The following LAPTM4B variants were observed in gnomAD, a reference collection of about 807,000 sequenced individuals.
The protein encoded by LAPTM4B is lysosomal protein transmembrane 4 beta.
LAPTM4B carries 26 observed loss-of-function variants against 28.5 expected under a neutral mutation model. The observed-to-expected ratio is 0.91, with a 90% CI of 0.67 to 1.27. The LOEUF is 1.27. LAPTM4B is among the 50% of genes most tolerant of loss of function. The pLI is 0.00. For synonymous variants in LAPTM4B, 109 were observed against 106.4 expected, an observed-to-expected ratio of 1.02 and a Z score of -0.15; for missense variants, 288 against 285.8, an observed-to-expected ratio of 1.01 and a Z score of -0.06.
At chr8:97,776,157 T>C in intron 1 of LAPTM4B, 49 bp downstream of exon 1, 1 of 1,501,910 alleles carries the variant, frequency 6.7e-7, no homozygotes, top group Non-Finnish European at 8.9e-7. Context: ...TCCGCGCCCC[T>C]AGCTGGGCTT....
chr8:97,830,569 C>T (rs1308353585), intron 6 of LAPTM4B, among the ~76,000 whole-genome samples: 2 of 152,114 alleles, frequency 1.3e-5, no homozygotes, highest in Non-Finnish European at 2.9e-5. Flanking sequence ...TGTTCTTTTT[C>T]AGGAATGCGA....
chr8:97,807,212 G>T (rs945559417), intron 2 of LAPTM4B, among the ~76,000 whole-genome samples: 2 of 152,154 alleles, frequency 1.3e-5, no homozygotes, highest in Admixed American at 6.6e-5. Context: ...ATCATTGTGT[G>T]CCTCAATTTC....
Position 97,816,124 on chromosome 8 carries a change from G to A in LAPTM4B, c.352G>A (p.Val118Ile), listed in dbSNP as rs141075645. ...CTTTGACTTTGCCCTGAACATGTTG[G>A]TTGCAATCACTGTGCTTATTTATCC... ...QIFDFALNML[V>I]AITVLIYPNS... The change falls in exon 4 of 7, where the codon GTT becomes ATT. Residue 118 changes from valine (V) to isoleucine (I), a missense_variant. Transcript: ENST00000521545. 9 of 1,613,700 alleles carry A rather than the reference G, an allele frequency of 5.6e-6. No individual in the cohort carries two copies. The highest frequency in any genetic ancestry group is 7.6e-6 in the Non-Finnish European group (9 of 1,179,866).
At position 97,851,750 on chromosome 8, in the gene LAPTM4B, T is replaced by C; in HGVS notation, c.*276T>C. 3 of 463,426 alleles carry C rather than the reference T, an allele frequency of 6.5e-6. No individual in the cohort carries two copies. Among genetic ancestry groups the C allele is most frequent in the Non-Finnish European group, 1.2e-5 (3 of 260,212 alleles). 28.7% of individuals were successfully genotyped at this position (463,426 alleles called of 1,614,324 possible). ...GCATTGAAACTTCCCCCAAATCTGATGGACCTAGAAGTCTGCTTTTGTACC... is the reference window on the plus strand; with the variant it reads ...GCATTGAAACTTCCCCCAAATCTGACGGACCTAGAAGTCTGCTTTTGTACC... On this transcript the variant is annotated 3_prime_UTR_variant, in exon 7 of 7. Transcript: ENST00000521545.
At chr8:97,821,441 G>A (rs1206550170) in intron 5 of LAPTM4B, among the ~76,000 whole-genome samples, 1 of 152,136 alleles carries the variant, frequency 6.6e-6, no homozygotes, top group Non-Finnish European at 1.5e-5. Flanking sequence ...GTGGGTCCAG[G>A]GGTCCAGTGC....
intron 2 of LAPTM4B, among the ~76,000 whole-genome samples, chr8:97,811,365 A>G (rs551148319): frequency 1.3e-5 from 2 of 152,312 alleles, no homozygotes; most frequent in East Asian, 3.9e-4. Context: ...TTTATTTATG[A>G]TAGCCAAAAG....
At chr8:97,791,938 T>A (rs992195427) in intron 1 of LAPTM4B, among the ~76,000 whole-genome samples, 2 of 152,130 alleles carry the variant, frequency 1.3e-5, no homozygotes, top group African/African-American at 2.4e-5. Flanking sequence ...TCATCACCTA[T>A]GAGGAAGACG....
chr8:97,786,993 C>T (rs1186032089), intron 1 of LAPTM4B, among the ~76,000 whole-genome samples: 3 of 152,054 alleles, frequency 2.0e-5, no homozygotes, highest in Non-Finnish European at 4.4e-5. Context: ...CATCCAGAGA[C>T]CCAGGCTGGG....
intron 6 of LAPTM4B, among the ~76,000 whole-genome samples, chr8:97,825,810 G>A (rs534644090): frequency 2.0e-5 from 3 of 152,250 alleles, no homozygotes; most frequent in Non-Finnish European, 2.9e-5. Context: ...TGTCTCTGTC[G>A]TCACTGCCTG....
intron 6 of LAPTM4B, among the ~76,000 whole-genome samples, chr8:97,843,653 G>A (rs1303878805): frequency 6.6e-6 from 1 of 152,042 alleles, no homozygotes; most frequent in Non-Finnish European, 1.5e-5. Flanking sequence ...GGTGGCAGGT[G>A]CATGTAATCC....
intron 6 of LAPTM4B, among the ~76,000 whole-genome samples, chr8:97,845,765 T>C (rs1308653126): frequency 6.6e-6 from 1 of 152,014 alleles, no homozygotes; most frequent in Non-Finnish European, 1.5e-5. Context: ...GGTAGATCCT[T>C]GCAGTCCCTT....
Position 97,851,753 on chromosome 8 carries a change from A to C in LAPTM4B, c.*279A>C. On this transcript the variant is annotated 3_prime_UTR_variant, in exon 7 of 7. Coordinates refer to ENST00000521545, the MANE Select transcript of LAPTM4B (RefSeq NM_018407.6). ...TTGAAACTTCCCCCAAATCTGATGG[A>C]CCTAGAAGTCTGCTTTTGTACCTGC... 1 of 395,842 alleles carries C rather than the reference A, an allele frequency of 2.5e-6. No individual in the cohort carries two copies. Among genetic ancestry groups the C allele is most frequent in the South Asian group, 5.1e-5 (1 of 19,498 alleles). The allele number at this position is 395,842 out of a possible 1,614,324, so 24.5% of individuals were successfully genotyped here.
chr8:97,803,082 C>G (rs1444469588), intron 1 of LAPTM4B, among the ~76,000 whole-genome samples: 2 of 151,576 alleles, frequency 1.3e-5, no homozygotes, highest in African/African-American at 4.8e-5. Context: ...ACTTGTAACC[C>G]CAGCTACTCG....
At chr8:97,814,236 A>G (rs1255835071) in intron 2 of LAPTM4B, among the ~76,000 whole-genome samples, 2 of 152,182 alleles carry the variant, frequency 1.3e-5, no homozygotes, top group Non-Finnish European at 2.9e-5. Flanking sequence ...AAGGCCAGGC[A>G]TGGTGGCTCA....
At chr8:97,820,754 A>T (rs1816990659) in intron 5 of LAPTM4B, among the ~76,000 whole-genome samples, 1 of 151,626 alleles carries the variant, frequency 6.6e-6, no homozygotes. Flanking sequence ...GTTGAGACAG[A>T]GTCTCACTCT....
chr8:97,795,064 C>G (rs1816561375), intron 1 of LAPTM4B, among the ~76,000 whole-genome samples: 1 of 152,134 alleles, frequency 6.6e-6, no homozygotes, highest in African/African-American at 2.4e-5. Context: ...AGAAATTAGC[C>G]AAGTATCAGA....
In LAPTM4B at chr8:97,817,593, C is replaced by T. The variant is rs546653197; in HGVS notation, c.408+1413C>T. 8.6e-5 allele frequency among the ~76,000 whole-genome samples: 13 copies of T among 151,660 alleles called. No individual in the cohort carries two copies. The South Asian group carries it at 2.7e-3, about 32-fold the overall frequency. On this transcript the variant is annotated intron_variant, in intron 4 of 6. Coordinates refer to ENST00000521545, the MANE Select transcript of LAPTM4B (RefSeq NM_018407.6). ...TCTCCTGAGTAGCTGGGATTACAGG[C>T]ACCCGCTACCAAGCCTGGCTAATTT...
chr8:97,805,398 GAT>G lies in LAPTM4B; in HGVS notation c.146_147del (p.Asp49AlafsTer5). ...GTTGATTTTATTGAGTGCCCTGGCT[GAT>G]CCGGATCAGTATAACTTTTCAAGTT... is the stretch of plus-strand genomic sequence containing the variant. ...VLLILLSALA[D>X]PDQYNFSSSE... On this transcript the variant is annotated frameshift_variant, in exon 2 of 7. Transcript: ENST00000521545. LOFTEE classifies it high-confidence loss of function. The G allele has an allele frequency of 6.2e-7, 1 of 1,608,878 alleles. No individual in the cohort carries two copies. Among genetic ancestry groups the G allele is most frequent in the Non-Finnish European group, 8.5e-7 (1 of 1,178,174 alleles).
chr8:97,782,735 C>CTTT (rs1016448852), intron 1 of LAPTM4B, among the ~76,000 whole-genome samples: 1 of 142,994 alleles, frequency 7.0e-6, no homozygotes, highest in African/African-American at 2.6e-5. Flanking sequence ...CGTCCCCAGC[C>CTTT]TTTTTTTTTT....
Sources: gnomAD v4.1 joint callset for allele counts (sites outside exome capture counted in the v4.1 genomes callset) on GRCh38, gnomAD v4.1.1 for gene constraint, MANE v1.5 for transcripts, NCBI Gene and HGNC (gene_info 2026-07-23, HGNC 2026-07-21) for gene names.